Variants in ZNF85 observed in about 807,000 individuals in gnomAD.
ZNF85 encodes zinc finger protein 85 (HPF4, HTF1).
ZNF85 carries 50 observed loss-of-function variants against 53.9 expected under a neutral mutation model. That is an observed-to-expected ratio of 0.93 (90% CI 0.74 to 1.17). ZNF85 has a LOEUF of 1.17. Ranked by LOEUF, ZNF85 falls within the 50% of genes most tolerant of loss-of-function variation. The probability of loss-of-function intolerance (pLI) is 0.00; values close to 1 mark genes in which losing one functional copy is unlikely to be tolerated. For synonymous variants in ZNF85, 225 were observed against 226.1 expected (o/e 1.00, Z 0.04); for missense variants, 747 against 688.5 (o/e 1.08, Z -0.95).
chr19:20,941,706 T>C (rs1273278336), intron 3 of ZNF85, among the ~76,000 whole-genome samples: 1 of 152,270 alleles, frequency 6.6e-6, no homozygotes, highest in Non-Finnish European at 1.5e-5. Context: ...TGTTAACTTC[T>C]ATGATATGTG....
At chr19:20,944,163 TTA>T (rs1973368189) in intron 3 of ZNF85, 1 of 156,498 alleles carries the variant, frequency 6.4e-6, no homozygotes, top group Non-Finnish European at 1.4e-5. Flanking sequence ...AGTTTTTTAT[TTA>T]TATATGTTTT....
Position 20,950,350 on chromosome 19 carries a change from G to A in ZNF85, c.*48G>A, listed in dbSNP as rs1347304851. 1 of 1,335,498 alleles carries A rather than the reference G, an allele frequency of 7.5e-7. No homozygotes were observed. Among genetic ancestry groups the A allele is most frequent in the Admixed American group, 2.6e-5 (1 of 39,192 alleles). The allele number at this position is 1,335,498 out of a possible 1,614,324, so 82.7% of individuals were successfully genotyped here. ...AATTTACAAGTCTTACTAAACATAA[G>A]AAAATTTATACTGGAGAGAAACTAC... On this transcript the variant is annotated 3_prime_UTR_variant, in exon 4 of 4. Transcript: ENST00000328178.
At chr19:20,940,561 C>T (rs1973272232) in intron 3 of ZNF85, among the ~76,000 whole-genome samples, 2 of 152,022 alleles carry the variant, frequency 1.3e-5, no homozygotes, top group Non-Finnish European at 2.9e-5. Context: ...CTTTATATTT[C>T]AGGAATGTTA....
At chr19:20,941,974 T>C (rs1176779482) in intron 3 of ZNF85, among the ~76,000 whole-genome samples, 1 of 152,182 alleles carries the variant, frequency 6.6e-6, no homozygotes, top group African/African-American at 2.4e-5. Context: ...CTTCATCTTA[T>C]CCATGTTGAT....
rs577395034 is a variant in ZNF85, at chr19:20,933,075, C to T, written c.4-949C>T. On this transcript the variant is annotated intron_variant, in intron 1 of 3. Coordinates refer to ENST00000328178, the MANE Select transcript of ZNF85 (RefSeq NM_003429.5). ...GGGCATGGTGGTGGGCACCTGTGGC[C>T]CCAGCTACTTGGGAGGCTGAGGCGG... is the stretch of plus-strand genomic sequence containing the variant. Among the ~76,000 whole-genome samples, 28 of 151,806 alleles carry T rather than the reference C, an allele frequency of 1.8e-4. No homozygotes were observed. In the East Asian group the frequency reaches 5.2e-3, roughly 28 times the overall value.
intron 1 of ZNF85, among the ~76,000 whole-genome samples, chr19:20,931,231 T>C (rs1973009956): frequency 6.6e-6 from 1 of 152,230 alleles, no homozygotes; most frequent in Non-Finnish European, 1.5e-5. Context: ...TCATGGACTC[T>C]TTTCAAACCT....
At chr19:20,931,088 T>C (rs1165360757) in intron 1 of ZNF85, among the ~76,000 whole-genome samples, 2 of 152,204 alleles carry the variant, frequency 1.3e-5, no homozygotes, top group African/African-American at 4.8e-5. Context: ...ATGGGTTGTC[T>C]TTATTTGTAC....
chr19:20,936,521 C>G (rs1973162621), intron 3 of ZNF85: 1 of 152,392 alleles, frequency 6.6e-6, no homozygotes, highest in Non-Finnish European at 1.5e-5. Context: ...TGGGTCCACC[C>G]TACTGCTGTG....
At chr19:20,933,029 CAA>C (rs59744700) in intron 1 of ZNF85, among the ~76,000 whole-genome samples, 4 of 138,596 alleles carry the variant, frequency 2.9e-5, no homozygotes, top group Admixed American at 7.4e-5. Context: ...ACTAAAAATA[CAA>C]AAAAAAAAAA....
chr19:20,923,424 A>C, intron 1 of ZNF85, 21 bp downstream of exon 1: 1 of 1,614,032 alleles, frequency 6.2e-7, no homozygotes, highest in Non-Finnish European at 8.5e-7. Context: ...CAGGTCCGCC[A>C]TCCCGAGGGG....
Position 20,950,107 on chromosome 19 carries a change from T to A in ZNF85, c.1593T>A (p.Ile531=), listed in dbSNP as rs1488352078. The A allele has an allele frequency of 6.2e-7, 1 of 1,613,348 alleles. No homozygotes were observed. The highest frequency in any genetic ancestry group is 1.3e-5 in the African/African-American group (1 of 74,874). ...QSSKLTKHKK[I]HTGEKPYTCE... ...CAAAACTTACCAAACATAAGAAAAT[T>A]CATACTGGAGAGAAACCCTACACAT... The change falls in exon 4 of 4, where the codon ATT becomes ATA. Residue 531 remains isoleucine, a synonymous_variant. Coordinates refer to ENST00000328178, the MANE Select transcript of ZNF85 (RefSeq NM_003429.5).
chr19:20,943,577 C>T (rs1418268149), intron 3 of ZNF85: 4 of 152,148 alleles, frequency 2.6e-5, no homozygotes, highest in African/African-American at 7.2e-5. Context: ...ATAAATTATC[C>T]ACTCTCAGGT....
chr19:20,936,991 T>A (rs989564937), intron 3 of ZNF85: 17 of 187,234 alleles, frequency 9.1e-5, no homozygotes, highest in African/African-American at 3.8e-4. Context: ...AGCAAACAGC[T>A]CTTCAAGTTT....
At chr19:20,926,840 A>G (rs916256627) in intron 1 of ZNF85, 1 of 151,886 alleles carries the variant, frequency 6.6e-6, no homozygotes, top group African/African-American at 2.4e-5. Context: ...ACAAAGTTAG[A>G]TTTGTGTAAA....
intron 3 of ZNF85, among the ~76,000 whole-genome samples, chr19:20,948,211 T>C (rs1385402922): frequency 6.6e-6 from 1 of 152,160 alleles, no homozygotes; most frequent in Non-Finnish European, 1.5e-5. Flanking sequence ...AATCATTTGC[T>C]ACAACTATTT....
In ZNF85 at chr19:20,934,039, A is replaced by G. The variant is rs748301825; in HGVS notation, c.19A>G (p.Arg7Gly). Residue 7 changes from arginine (R) to glycine (G), a missense_variant, in exon 2 of 4, where the codon AGG (arginine) becomes GGG (glycine). Physicochemically the swap from Arg to Gly is moderately radical, Grantham distance 125. Transcript: ENST00000328178. ...TATCTTTCAGGGACCATTGACATTT[A>G]GGGATGTGGCCATAGAATTCTCTCT... MGPLTF[R>G]DVAIEFSLKE... The G allele has an allele frequency of 6.2e-7, 1 of 1,610,604 alleles. No individual in the cohort carries two copies. Among genetic ancestry groups the G allele is most frequent in the South Asian group, 1.1e-5 (1 of 91,002 alleles).
At position 20,943,400 on chromosome 19, in the gene ZNF85, G is replaced by A. The variant is rs562254315; in HGVS notation, c.230-5344G>A. 2.6e-5 allele frequency: 4 copies of A among 152,240 alleles called. 1 individual carries two copies. In the South Asian group the frequency reaches 6.2e-4, roughly 24 times the overall value. The allele number at this position is 152,240 out of a possible 1,614,324, so 9.4% of individuals were successfully genotyped here. A position where few individuals can be genotyped will look rare whatever the true frequency, so the allele number is the denominator to read the frequency against. On this transcript the variant is annotated intron_variant, in intron 3 of 3. Transcript: ENST00000328178. ...AGAGCTGCCTCATTAAAAGAACCTG[G>A]CCCCTTCACCTCACATTTGGTTCTG... is the stretch of plus-strand genomic sequence containing the variant.
Position 20,949,546 on chromosome 19 carries a change from T to C in ZNF85, c.1032T>C (p.Cys344=). The change falls in exon 4 of 4, where the codon TGT becomes TGC. Residue 344 remains cysteine (C), a synonymous_variant. Coordinates refer to ENST00000328178, the MANE Select transcript of ZNF85 (RefSeq NM_003429.5). The part of the protein sequence containing the change: ...IIHTGEKPYK[C]KKCGKAFNQS... ...ATACTGGAGAGAAACCCTACAAATG[T>C]AAAAAATGTGGAAAAGCCTTTAACC... The C allele has an allele frequency of 6.2e-7, 1 of 1,612,896 alleles. No homozygotes were observed. Among genetic ancestry groups the C allele is most frequent in the Non-Finnish European group, 8.5e-7 (1 of 1,179,472 alleles).
At position 20,949,782 on chromosome 19, in the gene ZNF85, A is replaced by G. The variant is rs781390059; in HGVS notation, c.1268A>G (p.Glu423Gly). 8 of 1,611,868 alleles carry G rather than the reference A, an allele frequency of 5.0e-6. No individual in the cohort carries two copies. Among genetic ancestry groups the G allele is most frequent in the Non-Finnish European group, 5.9e-6 (7 of 1,179,042 alleles). ...AAACATAAGATAATTCATACTGGAGAGAAGCCTTACAAATGTAAAGAATGT... is the reference window on the plus strand; with the variant it reads ...AAACATAAGATAATTCATACTGGAGGGAAGCCTTACAAATGTAAAGAATGT... ...LTKHKIIHTG[E>G]KPYKCKECEK... Residue 423 changes from glutamate to glycine, a missense_variant, in exon 4 of 4, where the codon GAG becomes GGG. Glu to Gly is a moderately conservative substitution (Grantham distance 98). Transcript: ENST00000328178.
Sources: gnomAD v4.1 joint callset for allele counts (sites outside exome capture counted in the v4.1 genomes callset) on GRCh38, gnomAD v4.1.1 for gene constraint, MANE v1.5 for transcripts, NCBI Gene and HGNC (gene_info 2026-07-23, HGNC 2026-07-21) for gene names.